The following NXPH1 variants were observed in gnomAD, a reference collection of about 807,000 sequenced individuals.
NXPH1 encodes neurexophilin-1.
NXPH1 carries 5 observed loss-of-function variants against 23.7 expected under a neutral mutation model. The observed-to-expected ratio is 0.21, with a 90% CI of 0.11 to 0.44. The LOEUF is 0.44. Ranked by LOEUF, NXPH1 falls within the 20% of genes least tolerant of loss-of-function variation. NXPH1 has a pLI of 0.99. For missense variants in NXPH1, 324 were observed against 321.6 expected (o/e 1.01, Z -0.06); for synonymous variants, 144 against 122.2 (o/e 1.18, Z -1.18).
intron 2 of NXPH1, among the ~76,000 whole-genome samples, chr7:8,558,793 T>G (rs924067257): frequency 6.6e-5 from 10 of 151,744 alleles, no homozygotes; most frequent in African/African-American, 2.4e-4. Context: ...TTGTTTAAAC[T>G]GCCCACCTTT....
chr7:8,553,518 G>A (rs1036918399), intron 2 of NXPH1, among the ~76,000 whole-genome samples: 1 of 151,468 alleles, frequency 6.6e-6, no homozygotes, highest in Admixed American at 6.6e-5. Flanking sequence ...TTTTATGACT[G>A]ACTGACTAAT....
chr7:8,493,792 C>T (rs77610634), intron 2 of NXPH1, among the ~76,000 whole-genome samples: 21,196 of 151,934 alleles, frequency 0.14, 1,622 homozygotes, highest in African/African-American at 0.2. Flanking sequence ...GAAACCACTT[C>T]TAGTCAGATG....
chr7:8,702,995 G>C (rs1157936618), intron 2 of NXPH1, among the ~76,000 whole-genome samples: 1 of 152,088 alleles, frequency 6.6e-6, no homozygotes, highest in African/African-American at 2.4e-5. Flanking sequence ...ATGGCCTCCT[G>C]TTAGTTTCTG....
intron 2 of NXPH1, among the ~76,000 whole-genome samples, chr7:8,507,218 G>A (rs1817542045): frequency 6.6e-6 from 1 of 151,662 alleles, no homozygotes; most frequent in Non-Finnish European, 1.5e-5. Flanking sequence ...GTGTCTGAAT[G>A]ACTATTAGAT....
chr7:8,579,892 C>T (rs1402789577), intron 2 of NXPH1, among the ~76,000 whole-genome samples: 1 of 152,132 alleles, frequency 6.6e-6, no homozygotes, highest in Non-Finnish European at 1.5e-5. Flanking sequence ...AGAAGCGGGT[C>T]AGGCATTTGT....
intron 2 of NXPH1, among the ~76,000 whole-genome samples, chr7:8,539,172 ATGG>A (rs1333135463): frequency 6.6e-6 from 1 of 151,876 alleles, no homozygotes; most frequent in Non-Finnish European, 1.5e-5. Context: ...GGAGGAGTTG[ATGG>A]TGGTGCTGAA....
intron 2 of NXPH1, among the ~76,000 whole-genome samples, chr7:8,460,988 G>C (rs1011215663): frequency 3.3e-5 from 5 of 152,120 alleles, no homozygotes; most frequent in African/African-American, 7.2e-5. Flanking sequence ...ATTTGTGTTT[G>C]GATCTTTTCA....
chr7:8,480,597 C>A (rs1479380337), intron 2 of NXPH1, among the ~76,000 whole-genome samples: 1 of 152,186 alleles, frequency 6.6e-6, no homozygotes, highest in Admixed American at 6.6e-5. Context: ...TCTCAGTGGA[C>A]TAAACCACTG....
chr7:8,537,553 C>T (rs547402151), intron 2 of NXPH1, among the ~76,000 whole-genome samples: 26 of 152,012 alleles, frequency 1.7e-4, no homozygotes, highest in African/African-American at 6.3e-4. Context: ...GAGGTAACCA[C>T]CCCCATGATT....
At chr7:8,700,316 A>T (rs897994881) in intron 2 of NXPH1, among the ~76,000 whole-genome samples, 2 of 152,112 alleles carry the variant, frequency 1.3e-5, no homozygotes, top group African/African-American at 4.8e-5. Flanking sequence ...TAACAGATGA[A>T]ATTCCTTTTC....
At chr7:8,687,119 C>T (rs1398999844) in intron 2 of NXPH1, among the ~76,000 whole-genome samples, 1 of 152,104 alleles carries the variant, frequency 6.6e-6, no homozygotes, top group Non-Finnish European at 1.5e-5. Context: ...TCATTACCTT[C>T]CTACTTACTC....
At chr7:8,485,665 C>T (rs1191048456) in intron 2 of NXPH1, among the ~76,000 whole-genome samples, 1 of 151,984 alleles carries the variant, frequency 6.6e-6, no homozygotes, top group East Asian at 1.9e-4. Context: ...GGAGGGGGCT[C>T]AAAAGACTTC....
At chr7:8,548,804 T>C (rs1484396609) in intron 2 of NXPH1, among the ~76,000 whole-genome samples, 2 of 151,542 alleles carry the variant, frequency 1.3e-5, no homozygotes, top group African/African-American at 4.8e-5. Flanking sequence ...TGAATTAATA[T>C]GATTAGTAAG....
At chr7:8,708,855 G>A (rs1399639955) in intron 2 of NXPH1, among the ~76,000 whole-genome samples, 1 of 152,008 alleles carries the variant, frequency 6.6e-6, no homozygotes, top group East Asian at 1.9e-4. Flanking sequence ...GTTCCATGAC[G>A]AGCAATGCCG....
chr7:8,717,443 C>A (rs1007692053), intron 2 of NXPH1, among the ~76,000 whole-genome samples: 1 of 151,966 alleles, frequency 6.6e-6, no homozygotes, highest in Non-Finnish European at 1.5e-5. Flanking sequence ...TCCTAGGATT[C>A]GGCTGAAAGA....
chr7:8,725,759 C>G (rs887267369), intron 2 of NXPH1, among the ~76,000 whole-genome samples: 1 of 152,058 alleles, frequency 6.6e-6, no homozygotes, highest in Non-Finnish European at 1.5e-5. Context: ...ATTCCCAGGA[C>G]TTTTATAGGA....
At chr7:8,667,294 C>T (rs1820787040) in intron 2 of NXPH1, among the ~76,000 whole-genome samples, 1 of 152,020 alleles carries the variant, frequency 6.6e-6, no homozygotes, top group African/African-American at 2.4e-5. Flanking sequence ...GTGTGTTATA[C>T]ATTAGTGTCC....
At chr7:8,608,789 T>C (rs10248114) in intron 2 of NXPH1, among the ~76,000 whole-genome samples, 2 of 152,052 alleles carry the variant, frequency 1.3e-5, no homozygotes, top group Non-Finnish European at 2.9e-5. Context: ...GAATGACAAA[T>C]GATTATAAGG....
intron 2 of NXPH1, among the ~76,000 whole-genome samples, chr7:8,532,935 C>G (rs1166949680): frequency 6.6e-6 from 1 of 152,040 alleles, no homozygotes; most frequent in Non-Finnish European, 1.5e-5. Flanking sequence ...AGCTTAGAGC[C>G]TGATAAATAG....
Sources: allele counts gnomAD v4.1 joint callset (sites outside exome capture counted in the v4.1 genomes callset), GRCh38; gene constraint gnomAD v4.1.1; transcripts MANE v1.5; gene names NCBI Gene and HGNC (gene_info 2026-07-23, HGNC 2026-07-21).